Variants in JAKMIP1 observed in about 807,000 individuals in gnomAD.
The protein encoded by JAKMIP1 is janus kinase and microtubule interacting protein 1.
Under a neutral mutation model 113.0 loss-of-function variants are expected in JAKMIP1, and 33 were observed. That is an observed-to-expected ratio of 0.29 (90% CI 0.22 to 0.39). The LOEUF is 0.39. Among genes scored for constraint, JAKMIP1 ranks in the 10% least tolerant of loss-of-function variants. JAKMIP1 has a pLI of 1.00. For synonymous variants in JAKMIP1, 480 were observed against 459.9 expected (o/e 1.04, Z -0.56); for missense variants, 813 against 1,080.5 (o/e 0.75, Z 3.47).
intron 1 of JAKMIP1, among the ~76,000 whole-genome samples, chr4:6,117,780 G>A (rs569401981): frequency 1.2e-4 from 18 of 152,236 alleles, no homozygotes; most frequent in Admixed American, 5.9e-4. Flanking sequence ...TCTCAGGGAC[G>A]TTCCATGCTG....
intron 8 of JAKMIP1, among the ~76,000 whole-genome samples, chr4:6,068,742 T>A (rs930886005): frequency 6.6e-6 from 1 of 151,910 alleles, no homozygotes; most frequent in African/African-American, 2.4e-5. Flanking sequence ...ACATATATAT[T>A]TTTCTTAAGT....
chr4:6,083,327 C>T (rs959530729), intron 5 of JAKMIP1, among the ~76,000 whole-genome samples: 13 of 149,882 alleles, frequency 8.7e-5, no homozygotes, highest in Admixed American at 4.0e-4. Flanking sequence ...CACTTGAACC[C>T]GGGAGGCAGA....
intron 1 of JAKMIP1, among the ~76,000 whole-genome samples, chr4:6,182,649 T>C (rs897759622): frequency 6.6e-6 from 1 of 152,162 alleles, no homozygotes; most frequent in Non-Finnish European, 1.5e-5. Context: ...CCTCTGTCTA[T>C]GGTATTTCTG....
intron 16 of JAKMIP1, 67 bp downstream of exon 16, chr4:6,048,790 A>G: frequency 7.4e-7 from 1 of 1,349,474 alleles, no homozygotes; most frequent in Non-Finnish European, 1.1e-6. Context: ...ACGCCAATGT[A>G]CAGTTTCTTG....
In JAKMIP1 at chr4:6,069,263, G is replaced by A. The variant is rs1578145944; in HGVS notation, c.1303-4255C>T. Among the ~76,000 whole-genome samples the A allele has an allele frequency of 6.6e-6, 1 of 152,182 alleles. No homozygotes were observed. The highest frequency in any genetic ancestry group is 2.1e-4 in the South Asian group (1 of 4,812). On this transcript the variant is annotated intron_variant, in intron 8 of 20. Coordinates refer to ENST00000409021, the MANE Select transcript of JAKMIP1 (RefSeq NM_001099433.2). The surrounding 1 kb of genome is among the most constrained non-coding windows in gnomAD (Gnocchi z 4.5). Reference sequence around the variant, plus strand: ...AACATGAAAGAAACTTCATTTTTTTGTGTCTCCACTCTTCTAAGAGTCTCT... The same window carrying A: ...AACATGAAAGAAACTTCATTTTTTTATGTCTCCACTCTTCTAAGAGTCTCT...
chr4:6,150,452 G>A lies in JAKMIP1; in HGVS notation c.-147-37455C>T, dbSNP rs911306329. ...GTGTCCACGGTTCATCCACCTCTACGTCCCCAGGGCCCTGTCCGGGGCCTG... is the reference window on the plus strand; with the variant it reads ...GTGTCCACGGTTCATCCACCTCTACATCCCCAGGGCCCTGTCCGGGGCCTG... On this transcript the variant is annotated intron_variant, in intron 1 of 20. Transcript: ENST00000409021. The surrounding 1 kb of genome is among the most constrained non-coding windows in gnomAD (Gnocchi z 4.8). 3.9e-5 allele frequency: 6 copies of A among 152,194 alleles called. No individual in the cohort carries two copies. The highest frequency in any genetic ancestry group is 1.2e-4 in the African/African-American group (5 of 41,426). The allele number at this position is 152,194 out of a possible 1,614,324, so 9.4% of individuals were successfully genotyped here.
intron 1 of JAKMIP1, among the ~76,000 whole-genome samples, chr4:6,145,759 A>G (rs7691044): frequency 0.84 from 127,868 of 151,738 alleles, 56,619 homozygotes; most frequent in East Asian, 1. Flanking sequence ...GTTGGTTTTA[A>G]TATAAGATCC....
At chr4:6,099,072 T>C (rs1449205277) in intron 3 of JAKMIP1, among the ~76,000 whole-genome samples, 2 of 152,236 alleles carry the variant, frequency 1.3e-5, no homozygotes, top group African/African-American at 4.8e-5. Flanking sequence ...ATCCATCCTA[T>C]TGCTACATTT....
At chr4:6,175,896 C>A (rs1168894339) in intron 1 of JAKMIP1, among the ~76,000 whole-genome samples, 1 of 152,322 alleles carries the variant, frequency 6.6e-6, no homozygotes. Context: ...CTCTCTGAAC[C>A]AGTTTCCTGG....
chr4:6,137,278 A>G lies in JAKMIP1; in HGVS notation c.-147-24281T>C, dbSNP rs549189333. Among the ~76,000 whole-genome samples, 66 of 152,216 alleles carry G rather than the reference A, an allele frequency of 4.3e-4. 5 individuals are homozygous for G. The highest frequency in any genetic ancestry group is 1.5e-3 in the African/African-American group (63 of 41,542). On this transcript the variant is annotated intron_variant, in intron 1 of 20. Transcript: ENST00000409021. This position sits in a 1 kb window ranked among gnomAD's most constrained non-coding sequence, Gnocchi z 4.5. ...CCCCGTGCCAGCAGCCGGGCTCACC[A>G]GGGCCCACTGAGCCACAGCAGCCAC...
rs1578179500 is a variant in JAKMIP1, at chr4:6,081,307, C to T, written c.1101+302G>A. On this transcript the variant is annotated intron_variant, in intron 6 of 20. Coordinates refer to ENST00000409021, the MANE Select transcript of JAKMIP1 (RefSeq NM_001099433.2). The surrounding 1 kb of genome is among the most constrained non-coding windows in gnomAD (Gnocchi z 4.6). Reference sequence around the variant, plus strand: ...CTGTTATTTCATCCTCTTGATGATCCTCCAGTGTGGATATTTTCATTCCCA... The same window carrying T: ...CTGTTATTTCATCCTCTTGATGATCTTCCAGTGTGGATATTTTCATTCCCA... Among the ~76,000 whole-genome samples the T allele has an allele frequency of 6.6e-6, 1 of 152,216 alleles. No homozygotes were observed. Among genetic ancestry groups the T allele is most frequent in the South Asian group, 2.1e-4 (1 of 4,828 alleles).
In JAKMIP1 at chr4:6,088,503, A is replaced by G. The variant is rs1721608720; in HGVS notation, c.625-2874T>C. On this transcript the variant is annotated intron_variant, in intron 3 of 20. Transcript: ENST00000409021. The surrounding 1 kb of genome is among the most constrained non-coding windows in gnomAD (Gnocchi z 5.5). The stretch of plus-strand genomic sequence containing the variant: ...AAATTCTCCACCTGGAAGAGCACCA[A>G]TTCCCCCTTGTCCTAGTAAGTGAGA... Among the ~76,000 whole-genome samples the G allele has an allele frequency of 6.6e-6, 1 of 152,152 alleles. No homozygotes were observed.
rs56874913 is a variant in JAKMIP1, at chr4:6,084,967, TAAAAAAAAAAAA to T, written c.835-14_835-3del. ...ATCTCGCTCGTCCATATGTTGATCC[TAAAAAAAAAAAA>T]AAAAAAAAAAAAAAAGTCAAGACGT... On this transcript the variant is annotated splice_region_variant and splice_polypyrimidine_tract_variant and intron_variant, in intron 4 of 20. Transcript: ENST00000409021. The T allele has an allele frequency of 4.5e-5, 17 of 377,958 alleles. No individual in the cohort carries two copies. Among genetic ancestry groups the T allele is most frequent in the South Asian group, 2.9e-4 (3 of 10,328 alleles). 23.4% of individuals were successfully genotyped at this position (377,958 alleles called of 1,614,324 possible).
At chr4:6,112,580 G>T in intron 2 of JAKMIP1, 142 bp downstream of exon 2, 1 of 1,012,884 alleles carries the variant, frequency 9.9e-7, no homozygotes, top group Non-Finnish European at 1.5e-6. Flanking sequence ...ACTGCAAAGG[G>T]ACAGACAGCA....
rs1714145166 is a variant in JAKMIP1 at position 6,040,263 on chromosome 4, T to G, written c.2175+376A>C. Reference sequence around the variant, plus strand: ...CCTGGCTTCATCTAATTGCTTTACCTCTGCGTTCCTTTGTGATCATCTCTT... The same window carrying G: ...CCTGGCTTCATCTAATTGCTTTACCGCTGCGTTCCTTTGTGATCATCTCTT... On this transcript the variant is annotated intron_variant, in intron 18 of 20. Coordinates refer to ENST00000409021, the MANE Select transcript of JAKMIP1 (RefSeq NM_001099433.2). This position sits in a 1 kb window ranked among gnomAD's most constrained non-coding sequence, Gnocchi z 5.8. 6.6e-6 allele frequency among the ~76,000 whole-genome samples: 1 copy of G among 152,238 alleles called. No individual in the cohort carries two copies. Among genetic ancestry groups the G allele is most frequent in the South Asian group, 2.1e-4 (1 of 4,828 alleles).
rs961823685 is a variant in JAKMIP1, at chr4:6,061,178, T to G, written c.1561-671A>C. On this transcript the variant is annotated intron_variant, in intron 10 of 20. Transcript: ENST00000409021. The surrounding 1 kb of genome is among the most constrained non-coding windows in gnomAD (Gnocchi z 5.3). The stretch of plus-strand genomic sequence containing the variant: ...AAGAGAGGTCAGGAACCTGGATTTC[T>G]CTATAGAATCTCTTGATTTTTAAAT... Among the ~76,000 whole-genome samples, 7 of 152,234 alleles carry G rather than the reference T, an allele frequency of 4.6e-5. No individual in the cohort carries two copies. Among genetic ancestry groups the G allele is most frequent in the African/African-American group, 1.7e-4 (7 of 41,466 alleles).
At chr4:6,055,537 G>C (rs1345905322) in intron 12 of JAKMIP1, among the ~76,000 whole-genome samples, 1 of 152,164 alleles carries the variant, frequency 6.6e-6, no homozygotes, top group Non-Finnish European at 1.5e-5. Context: ...CTGAGGATCT[G>C]CCCATGGACC....
intron 1 of JAKMIP1, among the ~76,000 whole-genome samples, chr4:6,119,520 GACA>G (rs1198710432): frequency 6.6e-6 from 1 of 151,118 alleles, no homozygotes; most frequent in Non-Finnish European, 1.5e-5. Flanking sequence ...CTCCAGCCTG[GACA>G]ACAAGAGCAA....
In JAKMIP1 at chr4:6,051,240, G is replaced by C. The variant is rs998026004; in HGVS notation, c.1807-561C>G. ...TTTCTTTCCTTTTTTTTTTTTTTTT[G>C]AGAGGGTGTTCTGTTCTTGTCGCCC... On this transcript the variant is annotated intron_variant, in intron 13 of 20. Transcript: ENST00000409021. The surrounding 1 kb of genome is among the most constrained non-coding windows in gnomAD (Gnocchi z 5.0). Among the ~76,000 whole-genome samples the C allele has an allele frequency of 5.2e-5, 5 of 95,786 alleles. No homozygotes were observed. The highest frequency in any genetic ancestry group is 1.6e-4 in the African/African-American group (4 of 25,798). 62.8% of individuals were successfully genotyped at this position (95,786 alleles called of 152,430 possible). A position where few individuals can be genotyped will look rare whatever the true frequency, so the allele number is the denominator to read the frequency against.
Sources: allele counts gnomAD v4.1 joint callset (sites outside exome capture counted in the v4.1 genomes callset), GRCh38; gene constraint gnomAD v4.1.1; non-coding constraint Gnocchi (gnomAD v3.1); transcripts MANE v1.5; gene names NCBI Gene and HGNC (gene_info 2026-07-23, HGNC 2026-07-21).